Variants in MIB1 observed in about 807,000 individuals in gnomAD.
MIB1 encodes MIB E3 ubiquitin protein ligase 1.
A neutral mutation model predicts 124.5 loss-of-function variants in MIB1; 278 were observed. The ratio of observed to expected loss-of-function variants is 2.23; its 90% CI spans 2.02 to 2.47. The LOEUF is 2.47. Among genes scored for constraint, MIB1 ranks in the 30% most tolerant of loss-of-function variants. The pLI is 0.00. For synonymous variants in MIB1, 446 were observed against 429.4 expected (o/e 1.04, Z -0.48); for missense variants, 957 against 1,254.4 (o/e 0.76, Z 3.58).
intron 1 of MIB1, among the ~76,000 whole-genome samples, chr18:21,729,004 T>G (rs2040755506): frequency 6.6e-6 from 1 of 152,234 alleles, no homozygotes; most frequent in Admixed American, 6.5e-5. Flanking sequence ...TGTCCCTGGC[T>G]GCTTCTTTCT....
At chr18:21,739,486 A>T (rs1381943628), upstream of MIB1, among the ~76,000 whole-genome samples, 1 of 152,168 alleles carries the variant, frequency 6.6e-6, no homozygotes, top group Non-Finnish European at 1.5e-5. Flanking sequence ...TGGCACAGAC[A>T]CAACAAAAAA....
intron 12 of MIB1, among the ~76,000 whole-genome samples, chr18:21,821,963 A>T (rs2041883168): frequency 6.6e-6 from 1 of 152,078 alleles, no homozygotes; most frequent in African/African-American, 2.4e-5. Flanking sequence ...TACTATGTGC[A>T]CTTCTGTCTT....
chr18:21,850,347 ACT>A (rs2042170343), intron 17 of MIB1, among the ~76,000 whole-genome samples: 4 of 151,964 alleles, frequency 2.6e-5, no homozygotes, highest in African/African-American at 7.2e-5. Context: ...TGGAGTTTAT[ACT>A]CTTTTTCCAT....
At position 21,843,130 on chromosome 18, in the gene MIB1, G is replaced by A. The variant is rs376896631; in HGVS notation, c.1963-1G>A. On this transcript the variant is annotated splice_acceptor_variant, in intron 13 of 20. Coordinates refer to ENST00000261537, the MANE Select transcript of MIB1 (RefSeq NM_020774.4). LOFTEE classifies it high-confidence loss of function. ...ATTTAACATTTGTTCTTCTCGTTCA[G>A]GGTAATGCAAACCTGGATATCCAGA... 6.2e-7 allele frequency: 1 copy of A among 1,600,688 alleles called. No individual in the cohort carries two copies. The highest frequency in any genetic ancestry group is 8.5e-7 in the Non-Finnish European group (1 of 1,174,978).
Position 21,849,311 on chromosome 18 carries a change from A to ATTGC in MIB1, c.2511_2514dup (p.Thr839CysfsTer17), listed in dbSNP as rs1312708083. ...TACTCTTTTTGGTCCATGTGGACAT[A>ATTGC]TTGCTACCTGTTCTTTATGTTCTCC... On this transcript the variant is annotated frameshift_variant, in exon 17 of 21. Coordinates refer to ENST00000261537, the MANE Select transcript of MIB1 (RefSeq NM_020774.4). LOFTEE classifies it high-confidence loss of function. 6.2e-7 allele frequency: 1 copy of ATTGC among 1,613,258 alleles called. No individual in the cohort carries two copies. Among genetic ancestry groups the ATTGC allele is most frequent in the Non-Finnish European group, 8.5e-7 (1 of 1,179,590 alleles).
intron 12 of MIB1, among the ~76,000 whole-genome samples, chr18:21,822,005 T>G (rs1413515624): frequency 6.6e-6 from 1 of 152,208 alleles, no homozygotes; most frequent in East Asian, 1.9e-4. Context: ...CATATTCATC[T>G]GTTCATCCTA....
Position 21,864,557 on chromosome 18 carries a change from A to G in MIB1, c.2912A>G (p.Lys971Arg). 5 of 1,613,586 alleles carry G rather than the reference A, an allele frequency of 3.1e-6. No individual in the cohort carries two copies. The highest frequency in any genetic ancestry group is 4.2e-6 in the Non-Finnish European group (5 of 1,179,540). Residue 971 changes from lysine (K) to arginine (R), a missense_variant, in exon 21 of 21, where the codon AAG becomes AGG. Lys to Arg is a conservative substitution (Grantham distance 26). Transcript: ENST00000261537. Reference sequence around the variant, plus strand: ...TGCCCTGTGTGTCTAGATCGTCTGAAGAATATGATTTTCCTTTGTGGTCAC... The same window carrying G: ...TGCCCTGTGTGTCTAGATCGTCTGAGGAATATGATTTTCCTTTGTGGTCAC... The part of the protein sequence containing the change: ...TMCPVCLDRL[K>R]NMIFLCGHGT...
chr18:21,735,412 C>T (rs2040792016), intron 1 of MIB1, among the ~76,000 whole-genome samples: 1 of 152,108 alleles, frequency 6.6e-6, no homozygotes, highest in African/African-American at 2.4e-5. Flanking sequence ...GCCACCAGGG[C>T]CCTGGGTTTC....
intron 4 of MIB1, 118 bp downstream of exon 4, chr18:21,773,846 C>T: frequency 1.7e-6 from 1 of 585,414 alleles, no homozygotes; most frequent in Non-Finnish European, 2.9e-6. Context: ...TACGTTTTTA[C>T]TATGTTTCTC....
At chr18:21,836,133 ACTCCCAG>A (rs1160613984) in intron 12 of MIB1, among the ~76,000 whole-genome samples, 5 of 151,522 alleles carry the variant, frequency 3.3e-5, no homozygotes, top group African/African-American at 4.9e-5. Context: ...ATGTACCCAT[ACTCCCAG>A]CTACTCGGGA....
At chr18:21,854,877 T>TC in intron 18 of MIB1, 1 of 212,372 alleles carries the variant, frequency 4.7e-6, no homozygotes, top group Non-Finnish European at 9.9e-6. Flanking sequence ...ATTGGTGCTT[T>TC]CCCTACCTTC....
chr18:21,859,421 G>A (rs1406435112), intron 20 of MIB1, among the ~76,000 whole-genome samples: 1 of 151,496 alleles, frequency 6.6e-6, no homozygotes, highest in African/African-American at 2.4e-5. Context: ...AAGGATAGTG[G>A]TTTTCTTGGT....
chr18:21,732,727 A>G (rs1179042146), intron 1 of MIB1, among the ~76,000 whole-genome samples: 1 of 152,182 alleles, frequency 6.6e-6, no homozygotes, highest in Non-Finnish European at 1.5e-5. Flanking sequence ...TAAGATTAGT[A>G]AACAAAAAGA....
intron 1 of MIB1, among the ~76,000 whole-genome samples, chr18:21,724,729 T>A (rs373216500): frequency 0.034 from 966 of 28,536 alleles, 16 homozygotes; most frequent in African/African-American, 0.1. Flanking sequence ...AAAAAAAAAA[T>A]ATATATATAT....
In MIB1 at chr18:21,797,938, A is replaced by C. The variant is rs1041587087; in HGVS notation, c.1093-146A>C. 3 of 638,292 alleles carry C rather than the reference A, an allele frequency of 4.7e-6. No homozygotes were observed. In the Admixed American group the frequency reaches 8.6e-5, roughly 18 times the overall value. 39.5% of individuals were successfully genotyped at this position (638,292 alleles called of 1,614,324 possible). On this transcript the variant is annotated intron_variant, in intron 7 of 20. Transcript: ENST00000261537. The stretch of plus-strand genomic sequence containing the variant: ...TATTTTTTAACATTTGTACTTATTC[A>C]AATAACCCATTTCAGTATGGTTATC...
chr18:21,799,698 T>C, intron 8 of MIB1, 143 bp from the exon 9 acceptor site: 3 of 797,402 alleles, frequency 3.8e-6, no homozygotes, highest in Non-Finnish European at 5.5e-6. Flanking sequence ...GTAGTGATTA[T>C]AACTTGCATG....
At chr18:21,809,668 A>G (rs2041748441) in intron 10 of MIB1, among the ~76,000 whole-genome samples, 1 of 152,166 alleles carries the variant, frequency 6.6e-6, no homozygotes. Context: ...AATCTTTCCA[A>G]TTGACCAGAA....
intron 10 of MIB1, among the ~76,000 whole-genome samples, chr18:21,808,586 T>A (rs2146465678): frequency 6.6e-6 from 1 of 152,318 alleles, no homozygotes; most frequent in East Asian, 1.9e-4. Context: ...TAAGATTATA[T>A]TTTGTTTCCT....
At chr18:21,799,757 A>T (rs569249927) in intron 8 of MIB1, 84 bp from the exon 9 acceptor site, 1 of 1,271,936 alleles carries the variant, frequency 7.9e-7, no homozygotes, top group African/African-American at 1.5e-5. Context: ...GGAAAAGATT[A>T]TAGAAATATT....
Sources: gnomAD v4.1 joint callset for allele counts (sites outside exome capture counted in the v4.1 genomes callset) on GRCh38, gnomAD v4.1.1 for gene constraint, MANE v1.5 for transcripts, NCBI Gene and HGNC (gene_info 2026-07-23, HGNC 2026-07-21) for gene names.